Variants in PRKCH observed in about 807,000 individuals in gnomAD.
PRKCH encodes the protein protein kinase C eta type.
A neutral mutation model predicts 82.5 loss-of-function variants in PRKCH; 28 were observed. The observed-to-expected ratio is 0.34, with a 90% CI of 0.25 to 0.47. PRKCH has a LOEUF of 0.47. Among genes scored for constraint, PRKCH ranks in the 20% least tolerant of loss-of-function variants. The probability of loss-of-function intolerance (pLI) is 1.00; values close to 1 mark genes in which losing one functional copy is unlikely to be tolerated. For synonymous variants in PRKCH, 322 were observed against 327.4 expected, an observed-to-expected ratio of 0.98 and a Z score of 0.18; for missense variants, 705 against 881.8, an observed-to-expected ratio of 0.80 and a Z score of 2.54.
chr14:61,338,348 G>C (rs1364988855), intron 1 of PRKCH, among the ~76,000 whole-genome samples: 1 of 152,118 alleles, frequency 6.6e-6, no homozygotes, highest in African/African-American at 2.4e-5. Flanking sequence ...TTCATATTCA[G>C]GTACAGATTT....
At position 61,268,091 on chromosome 14, in the gene PRKCH, C is replaced by T. The variant is rs531877527; in HGVS notation, c.-19+80423C>T. Among the ~76,000 whole-genome samples the T allele has an allele frequency of 3.9e-5, 6 of 152,274 alleles. No homozygotes were observed. In the East Asian group the frequency reaches 1.2e-3, roughly 29 times the overall value. On this transcript the variant is annotated intron_variant, in intron 1 of 3. Coordinates refer to the PRKCH transcript ENST00000555185. ...CCCTTAAAGACAGAATCTTCAATGTCTATGTTATTGTACACAATGCAGTGT... is the reference window on the plus strand; with the variant it reads ...CCCTTAAAGACAGAATCTTCAATGTTTATGTTATTGTACACAATGCAGTGT...
Position 61,547,799 on chromosome 14 carries a change from C to T in PRKCH, c.1818C>T (p.His606=), listed in dbSNP as rs766392430. The change falls in exon 13 of 14, where the codon CAC becomes CAT. Residue 606 remains histidine, a synonymous_variant. Transcript: ENST00000332981. ...GCAGCCTGACTCAGGGAGGCGAGCA[C>T]GCCATCTTGAGACATCCTTTTTTTA... ...RLGSLTQGGE[H]AILRHPFFKE... is the part of the protein sequence containing the mutation. 48 of 1,614,204 alleles carry T rather than the reference C, an allele frequency of 3.0e-5. No homozygotes were observed. In the East Asian group the frequency reaches 8.2e-4, roughly 28 times the overall value.
At chr14:61,539,761 G>A (rs1249172847) in intron 12 of PRKCH, among the ~76,000 whole-genome samples, 1 of 152,050 alleles carries the variant, frequency 6.6e-6, no homozygotes, top group African/African-American at 2.4e-5. Flanking sequence ...AAAGAAAAGA[G>A]TCCCTTGATA....
chr14:61,194,806 TCA>T (rs898387673), intron 1 of PRKCH, among the ~76,000 whole-genome samples: 16 of 152,328 alleles, frequency 1.1e-4, no homozygotes, highest in African/African-American at 3.1e-4. Context: ...CGACCTCGGC[TCA>T]CTGCAACCTC....
intron 1 of PRKCH, among the ~76,000 whole-genome samples, chr14:61,360,498 C>A (rs2046210802): frequency 6.6e-6 from 1 of 151,300 alleles, no homozygotes; most frequent in Non-Finnish European, 1.5e-5. Context: ...GAGTGAGACT[C>A]CATCTCAAAA....
chr14:61,295,906 C>A (rs1040877046), intron 1 of PRKCH, among the ~76,000 whole-genome samples: 12 of 151,972 alleles, frequency 7.9e-5, no homozygotes, highest in Non-Finnish European at 1.2e-4. Context: ...GTGGCTTTCC[C>A]ATTATGGTGG....
intron 1 of PRKCH, among the ~76,000 whole-genome samples, chr14:61,191,047 T>G (rs1404146861): frequency 2.6e-5 from 4 of 152,176 alleles, no homozygotes; most frequent in African/African-American, 4.8e-5. Context: ...TTAACTAATT[T>G]CTAAAATCAA....
chr14:61,431,329 T>C (rs556824620), intron 2 of PRKCH, among the ~76,000 whole-genome samples: 2 of 152,312 alleles, frequency 1.3e-5, no homozygotes, highest in South Asian at 4.1e-4. Flanking sequence ...CACCATGCCA[T>C]TGTGTAAAAA....
At chr14:61,547,706 G>T in intron 12 of PRKCH, 37 bp from the exon 13 acceptor site, 1 of 1,599,200 alleles carries the variant, frequency 6.3e-7, no homozygotes. Flanking sequence ...GGTTGTATGT[G>T]AATGAATGAT....
At chr14:61,353,377 A>ATC (rs2046107746) in intron 1 of PRKCH, 1 of 152,220 alleles carries the variant, frequency 6.6e-6, no homozygotes, top group African/African-American at 2.4e-5. Context: ...CATTTAACCA[A>ATC]TCTGTAGCTG....
chr14:61,411,562 CCTG>C (rs1418534897), intron 2 of PRKCH, among the ~76,000 whole-genome samples: 1 of 152,130 alleles, frequency 6.6e-6, no homozygotes, highest in Non-Finnish European at 1.5e-5. Context: ...GCCAATGATT[CCTG>C]AGAGATAGGA....
chr14:61,236,717 A>AC (rs2044791674), intron 1 of PRKCH, among the ~76,000 whole-genome samples: 2 of 146,676 alleles, frequency 1.4e-5, no homozygotes, highest in South Asian at 4.3e-4. Flanking sequence ...AAACAAAAAA[A>AC]AAAAAAAAAA....
At chr14:61,287,156 G>A (rs1370143980) in intron 1 of PRKCH, among the ~76,000 whole-genome samples, 3 of 126,022 alleles carry the variant, frequency 2.4e-5, no homozygotes, top group Non-Finnish European at 3.1e-5. Context: ...AGTGAGCTGA[G>A]ATCACACCAC....
chr14:61,189,550 C>G (rs1021461721), intron 1 of PRKCH, among the ~76,000 whole-genome samples: 7 of 151,720 alleles, frequency 4.6e-5, no homozygotes, highest in African/African-American at 1.7e-4. Context: ...GCTTCTGTTT[C>G]TTCCTGAGAG....
intron 1 of PRKCH, among the ~76,000 whole-genome samples, chr14:61,297,195 T>G (rs1175775015): frequency 6.6e-6 from 1 of 152,224 alleles, no homozygotes; most frequent in African/African-American, 2.4e-5. Flanking sequence ...CGTGCATTAG[T>G]TAATATTTTC....
intron 2 of PRKCH, among the ~76,000 whole-genome samples, chr14:61,405,347 C>T (rs1424539034): frequency 6.6e-6 from 1 of 151,206 alleles, no homozygotes; most frequent in African/African-American, 2.4e-5. Context: ...AAAATAAAGT[C>T]AGAAAATTTA....
chr14:61,200,349 A>G (rs1279505728), intron 1 of PRKCH, among the ~76,000 whole-genome samples: 1 of 152,090 alleles, frequency 6.6e-6, no homozygotes, highest in Non-Finnish European at 1.5e-5. Flanking sequence ...TTTCAGGAAA[A>G]CAGGAACACT....
intron 10 of PRKCH, among the ~76,000 whole-genome samples, chr14:61,526,812 C>T (rs1349980465): frequency 6.6e-6 from 1 of 152,282 alleles, no homozygotes; most frequent in Non-Finnish European, 1.5e-5. Flanking sequence ...GGCCCAAGGC[C>T]ATGGCAGCCT....
chr14:61,471,731 G>A (rs1461461492), intron 9 of PRKCH, among the ~76,000 whole-genome samples: 2 of 151,616 alleles, frequency 1.3e-5, no homozygotes, highest in Non-Finnish European at 2.9e-5. Context: ...TTGGGGGTGG[G>A]GGCTGTCCTG....
Sources: allele counts gnomAD v4.1 joint callset (sites outside exome capture counted in the v4.1 genomes callset), GRCh38; gene constraint gnomAD v4.1.1; transcripts MANE v1.5; gene names NCBI Gene and HGNC (gene_info 2026-07-23, HGNC 2026-07-21).